TAMM41: variants seen among roughly 807,000 people sequenced by gnomAD.
TAMM41 encodes phosphatidate cytidylyltransferase, mitochondrial.
TAMM41 carries 36 observed loss-of-function variants against 44.1 expected under a neutral mutation model. That is an observed-to-expected ratio of 0.82 (90% confidence interval 0.63 to 1.08). The LOEUF is 1.08. Ranked by LOEUF, TAMM41 falls within the 50% of genes least tolerant of loss-of-function variation. The pLI is 0.00. For missense variants in TAMM41, 417 were observed against 404.3 expected (o/e 1.03, Z -0.27); for synonymous variants, 164 against 153.1 (o/e 1.07, Z -0.53).
At chr3:11,725,350 CCTTTTTT>C in the TAMM41 span, among the ~76,000 whole-genome samples, 1 of 80,914 alleles carries the variant, frequency 1.2e-5, no homozygotes, top group Non-Finnish European at 2.8e-5. Flanking sequence ...TCCTCCTCCT[CCTTTTTT>C]TTCTTCTTCT....
At chr3:11,787,093 G>A (rs2077422126), downstream of TAMM41, among the ~76,000 whole-genome samples, 2 of 152,156 alleles carry the variant, frequency 1.3e-5, no homozygotes, top group African/African-American at 4.8e-5. Context: ...CCTCCATGTG[G>A]CCTCTCCCAG....
intron 7 of TAMM41, among the ~76,000 whole-genome samples, chr3:11,799,064 C>G (rs1420202287): frequency 6.6e-6 from 1 of 151,746 alleles, no homozygotes; most frequent in Non-Finnish European, 1.5e-5. Context: ...AAAACAAAAA[C>G]AAAACAAAAA....
chr3:11,741,837 T>C, the TAMM41 span, among the ~76,000 whole-genome samples: 1 of 149,996 alleles, frequency 6.7e-6, no homozygotes, highest in African/African-American at 2.5e-5. Context: ...TAAGGGTTAC[T>C]GGAACACAAG....
chr3:11,821,631 G>C (rs537345222), intron 4 of TAMM41, among the ~76,000 whole-genome samples: 2 of 152,326 alleles, frequency 1.3e-5, no homozygotes, highest in South Asian at 4.1e-4. Context: ...TGCTTTGTAA[G>C]TAGTAAAGCA....
At chr3:11,760,709 C>A in the TAMM41 span, among the ~76,000 whole-genome samples, 41 of 152,098 alleles carry the variant, frequency 2.7e-4, no homozygotes, top group Non-Finnish European at 7.4e-5. Flanking sequence ...TATAGGGGCC[C>A]GCCACCATGC....
chr3:11,740,869 C>G, the TAMM41 span, among the ~76,000 whole-genome samples: 3 of 148,176 alleles, frequency 2.0e-5, 1 homozygote, highest in African/African-American at 5.2e-5. Context: ...CCAGCCTGAC[C>G]GGTAATTTCT....
chr3:11,755,247 C>T, the TAMM41 span, among the ~76,000 whole-genome samples: 1 of 150,964 alleles, frequency 6.6e-6, no homozygotes, highest in East Asian at 1.9e-4. Context: ...CATCCAAGGC[C>T]ACTATCTGGG....
the TAMM41 span, among the ~76,000 whole-genome samples, chr3:11,758,284 A>G: frequency 1.3e-5 from 2 of 152,214 alleles, no homozygotes; most frequent in African/African-American, 2.4e-5. Flanking sequence ...TTGAAGGGCA[A>G]TGGAGACATT....
intron 4 of TAMM41, among the ~76,000 whole-genome samples, chr3:11,824,862 T>C (rs1360691717): frequency 1.3e-5 from 2 of 151,772 alleles, no homozygotes; most frequent in Non-Finnish European, 2.9e-5. Flanking sequence ...CTGTGGAAAG[T>C]GCTATGGGGA....
At chr3:11,757,212 A>G in the TAMM41 span, among the ~76,000 whole-genome samples, 7 of 152,216 alleles carry the variant, frequency 4.6e-5, no homozygotes, top group Non-Finnish European at 8.8e-5. Context: ...GAGCACGGTA[A>G]GATCCATGTT....
chr3:11,764,483 A>ATTTTTTTTTTTT, the TAMM41 span, among the ~76,000 whole-genome samples: 10 of 86,370 alleles, frequency 1.2e-4, no homozygotes, highest in Non-Finnish European at 1.6e-4. Flanking sequence ...CCATAATCTT[A>ATTTTTTTTTTTT]TTCTTTTTTT....
At chr3:11,776,941 T>A in the TAMM41 span, among the ~76,000 whole-genome samples, 2 of 152,212 alleles carry the variant, frequency 1.3e-5, no homozygotes, top group East Asian at 1.9e-4. Flanking sequence ...CTGTGTGGAA[T>A]CTGAAAGCAT....
chr3:11,808,383 A>T (rs1559279978), intron 6 of TAMM41: 1 of 998,192 alleles, frequency 1.0e-6, no homozygotes, highest in African/African-American at 1.7e-5. Flanking sequence ...ATGTTCAAAC[A>T]AACAACAGTG....
the TAMM41 span, among the ~76,000 whole-genome samples, chr3:11,725,405 C>G: frequency 2.2e-4 from 30 of 135,090 alleles, no homozygotes; most frequent in Non-Finnish European, 3.1e-5. Flanking sequence ...TCTTCTTCCT[C>G]TTCTTCTTCT....
the TAMM41 span, among the ~76,000 whole-genome samples, chr3:11,754,003 A>G: frequency 6.6e-6 from 1 of 151,958 alleles, no homozygotes; most frequent in South Asian, 2.1e-4. Context: ...ATCCCTGTCC[A>G]TCTCTGTTTT....
At chr3:11,835,378 T>C (rs1293821808) in intron 3 of TAMM41, among the ~76,000 whole-genome samples, 2 of 152,230 alleles carry the variant, frequency 1.3e-5, no homozygotes, top group African/African-American at 4.8e-5. Flanking sequence ...TTCATCACTT[T>C]CAAATGACTT....
At chr3:11,793,009 C>T (rs570728550) in intron 7 of TAMM41, among the ~76,000 whole-genome samples, 3 of 136,872 alleles carry the variant, frequency 2.2e-5, no homozygotes, top group East Asian at 4.6e-4. Flanking sequence ...TGCAATGAGC[C>T]GAGATCACGC....
At chr3:11,788,614 T>C (rs1164709706), downstream of TAMM41, among the ~76,000 whole-genome samples, 1 of 151,950 alleles carries the variant, frequency 6.6e-6, no homozygotes, top group Non-Finnish European at 1.5e-5. Context: ...AGGAAAAAAC[T>C]TACACAAATA....
At chr3:11,841,747 G>C (rs960765128) in intron 2 of TAMM41, among the ~76,000 whole-genome samples, 2 of 152,170 alleles carry the variant, frequency 1.3e-5, no homozygotes, top group Admixed American at 1.3e-4. Context: ...AACTCCAGCA[G>C]CAGCACTGCA....
Sources: allele counts gnomAD v4.1 joint callset (sites outside exome capture counted in the v4.1 genomes callset), GRCh38; gene constraint gnomAD v4.1.1; transcripts MANE v1.5; gene names NCBI Gene and HGNC (gene_info 2026-07-23, HGNC 2026-07-21).